CERS6: variants seen among roughly 807,000 people sequenced by gnomAD.
The protein encoded by CERS6 is ceramide synthase 6.
Under a neutral mutation model 56.8 loss-of-function variants are expected in CERS6, and 26 were observed. The ratio of observed to expected loss-of-function variants is 0.46; its 90% CI spans 0.34 to 0.63. The LOEUF is 0.63. Among genes scored for constraint, CERS6 ranks in the 30% least tolerant of loss-of-function variants. The pLI is 0.01. For missense variants in CERS6, 415 were observed against 467.5 expected, an observed-to-expected ratio of 0.89 and a Z score of 1.04; for synonymous variants, 164 against 173.3, an observed-to-expected ratio of 0.95 and a Z score of 0.42.
chr2:168,604,694 C>CCT (rs1035761154), intron 3 of CERS6, among the ~76,000 whole-genome samples: 7 of 151,134 alleles, frequency 4.6e-5, no homozygotes, highest in East Asian at 1.9e-4. Context: ...TGGCACCTCC[C>CCT]CTCTCTCTCT....
chr2:168,520,052 G>A (rs1198835227), intron 1 of CERS6, among the ~76,000 whole-genome samples: 5 of 152,302 alleles, frequency 3.3e-5, no homozygotes, highest in African/African-American at 9.6e-5. Context: ...CAGCTATAGT[G>A]TATAAGCATT....
intron 1 of CERS6, among the ~76,000 whole-genome samples, chr2:168,544,007 A>G (rs1229409224): frequency 1.3e-5 from 2 of 152,200 alleles, no homozygotes; most frequent in Non-Finnish European, 2.9e-5. Context: ...ATTTTACTTG[A>G]TGGTTTTATT....
chr2:168,644,862 G>A (rs1025151447), intron 4 of CERS6, among the ~76,000 whole-genome samples: 1 of 151,714 alleles, frequency 6.6e-6, no homozygotes, highest in Non-Finnish European at 1.5e-5. Flanking sequence ...GGGAGGCCAA[G>A]ATGGGCAGAT....
intron 8 of CERS6, among the ~76,000 whole-genome samples, chr2:168,743,241 T>C (rs1295006948): frequency 1.3e-5 from 2 of 151,370 alleles, no homozygotes; most frequent in African/African-American, 4.9e-5. Flanking sequence ...TATATGTGTG[T>C]GTGTATATAT....
chr2:168,714,976 T>C, intron 6 of CERS6, 25 bp from the exon 7 acceptor site: 3 of 1,594,378 alleles, frequency 1.9e-6, no homozygotes, highest in Non-Finnish European at 2.6e-6. Flanking sequence ...TAAACTCTAA[T>C]ATGGATGTTT....
chr2:168,507,080 G>A (rs2105348393), intron 1 of CERS6, among the ~76,000 whole-genome samples: 1 of 152,122 alleles, frequency 6.6e-6, no homozygotes, highest in East Asian at 1.9e-4. Flanking sequence ...TCTTTAGTCT[G>A]CTCCTTAACC....
intron 4 of CERS6, among the ~76,000 whole-genome samples, chr2:168,676,817 G>C (rs1404392683): frequency 6.6e-6 from 1 of 152,124 alleles, no homozygotes; most frequent in African/African-American, 2.4e-5. Context: ...CGAGGGTAGA[G>C]GTTTAATGAA....
intron 3 of CERS6, among the ~76,000 whole-genome samples, chr2:168,627,875 A>G (rs891593806): frequency 6.6e-6 from 1 of 151,736 alleles, no homozygotes; most frequent in Non-Finnish European, 1.5e-5. Flanking sequence ...CTCTGGCCTT[A>G]TGGGGGTGTT....
At chr2:168,458,429 T>C (rs1307825461) in intron 1 of CERS6, among the ~76,000 whole-genome samples, 2 of 152,240 alleles carry the variant, frequency 1.3e-5, no homozygotes, top group East Asian at 3.8e-4. Flanking sequence ...ACTTAGATTG[T>C]CTCTGCCTCT....
At chr2:168,580,358 T>C (rs1235120349) in intron 3 of CERS6, among the ~76,000 whole-genome samples, 4 of 152,192 alleles carry the variant, frequency 2.6e-5, no homozygotes, top group African/African-American at 9.6e-5. Context: ...ATAGACTCAA[T>C]TTTTAGTTAT....
At chr2:168,577,221 G>A (rs1295473361) in intron 3 of CERS6, among the ~76,000 whole-genome samples, 2 of 152,182 alleles carry the variant, frequency 1.3e-5, no homozygotes, top group African/African-American at 4.8e-5. Flanking sequence ...ATGGAATTGA[G>A]GAGGAGCTGA....
rs1353312268 is a variant in CERS6 at position 168,773,228 on chromosome 2, A to G, written c.*3566A>G. ...ATGTTAATGCCAAAGTTGCCTGAAC[A>G]TTGGGCGGTTTTCTTAATTTGAAGT... On this transcript the variant is annotated 3_prime_UTR_variant, in exon 10 of 10. Coordinates refer to ENST00000305747, the MANE Select transcript of CERS6 (RefSeq NM_203463.3). The G allele has an allele frequency of 1.3e-5, 2 of 152,202 alleles. No individual in the cohort carries two copies. The highest frequency in any genetic ancestry group is 4.8e-5 in the African/African-American group (2 of 41,436). The allele number at this position is 152,202 out of a possible 1,614,324, so 9.4% of individuals were successfully genotyped here. A position where few individuals can be genotyped will look rare whatever the true frequency, so the allele number is the denominator to read the frequency against.
chr2:168,505,607 A>G (rs1275268855), intron 1 of CERS6, among the ~76,000 whole-genome samples: 3 of 151,900 alleles, frequency 2.0e-5, no homozygotes, highest in Non-Finnish European at 4.4e-5. Flanking sequence ...GGGGATGTAT[A>G]AAAGAGTTGG....
intron 3 of CERS6, among the ~76,000 whole-genome samples, chr2:168,577,511 A>T (rs1208703501): frequency 1.3e-5 from 2 of 152,176 alleles, no homozygotes; most frequent in African/African-American, 4.8e-5. Context: ...GGGAAAAATG[A>T]TGGCTTGTTT....
chr2:168,644,001 G>A, intron 4 of CERS6: 1 of 708,088 alleles, frequency 1.4e-6, no homozygotes, highest in Non-Finnish European at 1.7e-6. Context: ...GCATTCGCTA[G>A]TATATCCAGA....
At chr2:168,675,416 C>T (rs1686032851) in intron 4 of CERS6, among the ~76,000 whole-genome samples, 1 of 152,016 alleles carries the variant, frequency 6.6e-6, no homozygotes, top group South Asian at 2.1e-4. Flanking sequence ...GAAACCCTGC[C>T]TCTACAAAAA....
At chr2:168,690,891 C>T in intron 4 of CERS6, 143 bp from the exon 5 acceptor site, 3 of 682,982 alleles carry the variant, frequency 4.4e-6, no homozygotes, top group Non-Finnish European at 7.6e-6. Context: ...TATCCTATGC[C>T]TAGCTGTTTT....
intron 8 of CERS6, among the ~76,000 whole-genome samples, chr2:168,736,079 G>T (rs978076307): frequency 2.6e-5 from 4 of 151,972 alleles, no homozygotes; most frequent in African/African-American, 9.7e-5. Flanking sequence ...ACCAGGCATG[G>T]TGGTGTTTTG....
At chr2:168,682,400 G>A (rs1171058230) in intron 4 of CERS6, among the ~76,000 whole-genome samples, 1 of 152,138 alleles carries the variant, frequency 6.6e-6, no homozygotes, top group Admixed American at 6.6e-5. Flanking sequence ...GGCATTTTTA[G>A]TGTGTGTGTC....
Sources: allele counts gnomAD v4.1 joint callset (sites outside exome capture counted in the v4.1 genomes callset), GRCh38; gene constraint gnomAD v4.1.1; transcripts MANE v1.5; gene names NCBI Gene and HGNC (gene_info 2026-07-23, HGNC 2026-07-21).